ARHGAP44: variants seen among roughly 807,000 people sequenced by gnomAD.
ARHGAP44 encodes the protein Rho GTPase activating protein 44.
A neutral mutation model predicts 106.8 loss-of-function variants in ARHGAP44; 43 were observed. That is an observed-to-expected ratio of 0.40 (90% CI 0.32 to 0.52). The LOEUF is 0.52. Among genes scored for constraint, ARHGAP44 ranks in the 20% least tolerant of loss-of-function variants. ARHGAP44 has a pLI of 0.48. For missense variants in ARHGAP44, 866 were observed against 1,050.5 expected, an observed-to-expected ratio of 0.82 and a Z score of 2.43; for synonymous variants, 439 against 410.3, an observed-to-expected ratio of 1.07 and a Z score of -0.85.
At chr17:12,844,131 G>C (rs2035498680) in intron 1 of ARHGAP44, among the ~76,000 whole-genome samples, 1 of 152,206 alleles carries the variant, frequency 6.6e-6, no homozygotes, top group African/African-American at 2.4e-5. Flanking sequence ...AAGTTTACGT[G>C]TAGATTGGGG....
chr17:12,900,673 C>G (rs937283645), intron 3 of ARHGAP44, among the ~76,000 whole-genome samples: 2 of 152,164 alleles, frequency 1.3e-5, no homozygotes, highest in African/African-American at 4.8e-5. Flanking sequence ...AGCAGGATTT[C>G]TGTGCTGCAG....
intron 1 of ARHGAP44, among the ~76,000 whole-genome samples, chr17:12,891,345 T>C (rs2037038870): frequency 6.6e-6 from 1 of 152,192 alleles, no homozygotes; most frequent in African/African-American, 2.4e-5. Flanking sequence ...AACAAAAATT[T>C]ATTGGCCGCA....
chr17:12,847,554 C>A (rs1471571071), intron 1 of ARHGAP44, among the ~76,000 whole-genome samples: 10 of 146,684 alleles, frequency 6.8e-5, no homozygotes, highest in South Asian at 6.4e-4. Flanking sequence ...CCCTCTGTCG[C>A]CCAGGCTGGA....
intron 5 of ARHGAP44, among the ~76,000 whole-genome samples, chr17:12,917,015 G>A (rs1056093760): frequency 2.6e-5 from 4 of 152,090 alleles, no homozygotes; most frequent in Admixed American, 6.6e-5. Flanking sequence ...ATGCTCAACC[G>A]GTAAATATGA....
At chr17:12,960,565 C>CAAAAAAAAAAA (rs373750247) in intron 16 of ARHGAP44, among the ~76,000 whole-genome samples, 15 of 149,596 alleles carry the variant, frequency 1.0e-4, no homozygotes, top group Middle Eastern at 3.5e-3. Context: ...GACTCCATCT[C>CAAAAAAAAAAA]AAAGAAAAAA....
intron 1 of ARHGAP44, among the ~76,000 whole-genome samples, chr17:12,830,628 C>A (rs1319806684): frequency 6.6e-6 from 1 of 152,180 alleles, no homozygotes; most frequent in East Asian, 1.9e-4. Context: ...TTAGGCAAGT[C>A]ATTTTATCCT....
At chr17:12,899,463 G>A (rs1598019771) in intron 3 of ARHGAP44, among the ~76,000 whole-genome samples, 1 of 152,184 alleles carries the variant, frequency 6.6e-6, no homozygotes, top group East Asian at 1.9e-4. Flanking sequence ...ATTAAGAGAT[G>A]TAATAGGAAA....
chr17:12,832,217 T>C (rs2035110992), intron 1 of ARHGAP44, among the ~76,000 whole-genome samples: 1 of 152,136 alleles, frequency 6.6e-6, no homozygotes, highest in South Asian at 2.1e-4. Context: ...GATAATTTGA[T>C]GGATAGGGGG....
At chr17:12,919,387 CT>C (rs375129968) in intron 5 of ARHGAP44, among the ~76,000 whole-genome samples, 6,134 of 136,008 alleles carry the variant, frequency 0.045, 325 homozygotes, top group African/African-American at 0.13. Context: ...AATAGTTCTT[CT>C]TTTTTTTTTT....
chr17:12,976,976 G>A (rs548924463), intron 18 of ARHGAP44, among the ~76,000 whole-genome samples: 1 of 152,004 alleles, frequency 6.6e-6, no homozygotes, highest in East Asian at 1.9e-4. Context: ...GGGACTCAGT[G>A]CCATATGGTA....
Position 12,980,222 on chromosome 17 carries a change from C to G in ARHGAP44, c.1928C>G (p.Thr643Ser). Residue 643 changes from threonine to serine, a missense_variant, in exon 19 of 21, where the codon ACC becomes AGC. Physicochemically the swap from Thr to Ser is moderately conservative, Grantham distance 58. This residue lies in a region of ARHGAP44 where 418 missense variants were observed against 403.6 expected (regional missense o/e 1.04). Coordinates refer to ENST00000379672, the MANE Select transcript of ARHGAP44 (RefSeq NM_014859.6). ...CCGCCTGCAGACCAGAGTCCTCACA[C>G]CCTCCGGAAAGGTATGGCCCTGCTT... ...SQPPADQSPH[T>S]LRKVSKKLAP... 1 of 1,612,444 alleles carries G rather than the reference C, an allele frequency of 6.2e-7. No homozygotes were observed. The highest frequency in any genetic ancestry group is 8.5e-7 in the Non-Finnish European group (1 of 1,179,538).
chr17:12,800,608 C>T (rs2034063287), intron 1 of ARHGAP44, among the ~76,000 whole-genome samples: 1 of 152,208 alleles, frequency 6.6e-6, no homozygotes, highest in Non-Finnish European at 1.5e-5. Flanking sequence ...AATCCTGATA[C>T]CGGCCAAAAG....
chr17:12,898,469 T>C (rs1415284224), intron 3 of ARHGAP44, among the ~76,000 whole-genome samples: 2 of 152,214 alleles, frequency 1.3e-5, no homozygotes, highest in Admixed American at 6.5e-5. Context: ...GGTTAATAAC[T>C]ACACTGCTTC....
chr17:12,934,603 C>G (rs758486584), intron 7 of ARHGAP44, among the ~76,000 whole-genome samples: 1 of 152,124 alleles, frequency 6.6e-6, no homozygotes, highest in Non-Finnish European at 1.5e-5. Flanking sequence ...CAACTGGTGG[C>G]AGAGCTTCCA....
chr17:12,908,191 C>CTTTTTT (rs1228178926), intron 3 of ARHGAP44, among the ~76,000 whole-genome samples: 127 of 95,458 alleles, frequency 1.3e-3, no homozygotes, highest in East Asian at 2.7e-3. Context: ...TGCCTCATTT[C>CTTTTTT]TTTTTTTTTT....
intron 1 of ARHGAP44, among the ~76,000 whole-genome samples, chr17:12,811,447 G>A (rs1050141969): frequency 1.3e-5 from 2 of 152,152 alleles, no homozygotes; most frequent in African/African-American, 2.4e-5. Context: ...GGATGGGTTG[G>A]TCTTGCTGTC....
chr17:12,945,710 G>T (rs1041975611), intron 10 of ARHGAP44, among the ~76,000 whole-genome samples: 1 of 152,154 alleles, frequency 6.6e-6, no homozygotes, highest in African/African-American at 2.4e-5. Flanking sequence ...AATTCGAAAA[G>T]GAATGGGAAT....
At chr17:12,941,151 T>C (rs752939908) in intron 8 of ARHGAP44, 27 bp downstream of exon 8, 1 of 1,601,476 alleles carries the variant, frequency 6.2e-7, no homozygotes, top group Non-Finnish European at 8.6e-7. Context: ...GTGAGATTGC[T>C]TAAAGGCTGT....
At position 12,911,006 on chromosome 17, in the gene ARHGAP44, T is replaced by TA. The variant is rs139218651; in HGVS notation, c.275+2042dup. 9.6e-3 allele frequency among the ~76,000 whole-genome samples: 571 copies of TA among 59,404 alleles called. 10 individuals carry two copies. The East Asian group carries it at 0.099, about 10-fold the overall frequency. 39.0% of individuals were successfully genotyped at this position (59,404 alleles called of 152,430 possible). On this transcript the variant is annotated intron_variant, in intron 4 of 20. Transcript: ENST00000379672. ...AACTAACAAAGGATGAAAAGGAAAATAAAAAAAAATACATGGAAGGGACTA... is the reference window on the plus strand; with the variant it reads ...AACTAACAAAGGATGAAAAGGAAAATAAAAAAAAAATACATGGAAGGGACTA...
Sources: gnomAD v4.1 joint callset for allele counts (sites outside exome capture counted in the v4.1 genomes callset) on GRCh38, gnomAD v4.1.1 for gene constraint, gnomAD v4.1.1 regional missense constraint, MANE v1.5 for transcripts, NCBI Gene and HGNC (gene_info 2026-07-23, HGNC 2026-07-21) for gene names.